The following MYLK variants were observed in gnomAD, a reference collection of about 807,000 sequenced individuals.
The protein encoded by MYLK is myosin light chain kinase, smooth muscle.
A neutral mutation model predicts 203.4 loss-of-function variants in MYLK; 106 were observed. The observed-to-expected ratio is 0.52, with a 90% CI of 0.45 to 0.61. The LOEUF is 0.61. Ranked by LOEUF, MYLK falls within the 20% of genes least tolerant of loss-of-function variation. The pLI, the probability that MYLK is intolerant of heterozygous loss-of-function variation, is 0.00. For synonymous variants in MYLK, 867 were observed against 959.5 expected (o/e 0.90, Z 1.78); for missense variants, 2,072 against 2,442.3 (o/e 0.85, Z 3.20).
intron 4 of MYLK, among the ~76,000 whole-genome samples, chr3:123,759,694 C>G (rs1007741251): frequency 2.2e-4 from 34 of 152,328 alleles, no homozygotes; most frequent in African/African-American, 7.9e-4. Context: ...TTCCCTGCAA[C>G]TTTATCTTTG....
chr3:123,783,002 G>A (rs1469596183), intron 4 of MYLK, among the ~76,000 whole-genome samples: 2 of 152,122 alleles, frequency 1.3e-5, no homozygotes, highest in African/African-American at 4.8e-5. Context: ...TTATTCACAC[G>A]CATTTTCATT....
rs112427238 is a variant in MYLK, at chr3:123,850,213, T to C, written c.-126-18543A>G. Among the ~76,000 whole-genome samples, 909 of 152,328 alleles carry C rather than the reference T, an allele frequency of 6.0e-3. 7 individuals are homozygous for C. The highest frequency in any genetic ancestry group is 0.02 in the African/African-American group (844 of 41,564). ...GTGTTGCAGTAAACATATGTGTGCA[T>C]GTGTCTTTATAGCAGCATGATTTAT... On this transcript the variant is annotated intron_variant, in intron 2 of 33. Coordinates refer to ENST00000360304, the MANE Select transcript of MYLK (RefSeq NM_053025.4).
chr3:123,641,740 T>TCCTCCCTCCGTCCCTCTCTTC, intron 27 of MYLK, among the ~76,000 whole-genome samples: 1 of 148,962 alleles, frequency 6.7e-6, no homozygotes, highest in Non-Finnish European at 1.5e-5. Context: ...CTGCCTGCCT[T>TCCTCCCTCCGTCCCTCTCTTC]CCTCCCTCCG....
chr3:123,844,626 C>T (rs554436851), intron 2 of MYLK, among the ~76,000 whole-genome samples: 1 of 152,132 alleles, frequency 6.6e-6, no homozygotes, highest in South Asian at 2.1e-4. Flanking sequence ...GTGATAAAGA[C>T]GGAGGGGCAG....
At chr3:123,692,046 G>A (rs899035675) in intron 19 of MYLK, among the ~76,000 whole-genome samples, 4 of 152,092 alleles carry the variant, frequency 2.6e-5, no homozygotes, top group East Asian at 1.9e-4. Flanking sequence ...TACTCCCCAG[G>A]AAGGAGAGAA....
chr3:123,674,446 C>G (rs1210143608), intron 20 of MYLK, among the ~76,000 whole-genome samples: 3 of 152,220 alleles, frequency 2.0e-5, no homozygotes, highest in African/African-American at 7.2e-5. Flanking sequence ...CACTCAGGAT[C>G]AAATTCAACT....
chr3:123,823,036 A>G (rs765617833), intron 3 of MYLK, among the ~76,000 whole-genome samples: 1 of 152,176 alleles, frequency 6.6e-6, no homozygotes, highest in Non-Finnish European at 1.5e-5. Flanking sequence ...TCACCAAGAG[A>G]GCATCATTCC....
intron 33 of MYLK, chr3:123,618,437 G>A: frequency 3.3e-6 from 2 of 609,716 alleles, no homozygotes; most frequent in Non-Finnish European, 5.8e-6. Context: ...GGAAGTGACT[G>A]AAGGACACAC....
chr3:123,690,945 C>T (rs907240801), intron 19 of MYLK, among the ~76,000 whole-genome samples: 4 of 151,886 alleles, frequency 2.6e-5, no homozygotes, highest in African/African-American at 9.7e-5. Context: ...TTTTAAGTTG[C>T]AGAATGAATT....
At chr3:123,734,484 T>G (rs1474471977) in intron 9 of MYLK, 4 of 395,348 alleles carry the variant, frequency 1.0e-5, no homozygotes, top group African/African-American at 2.1e-5. Context: ...TCTCTACTAG[T>G]GCCTCCGTAG....
chr3:123,661,850 G>A (rs1304582150), intron 23 of MYLK, among the ~76,000 whole-genome samples: 2 of 152,180 alleles, frequency 1.3e-5, no homozygotes, highest in Admixed American at 6.5e-5. Context: ...CTTCCAGGGG[G>A]CTTTGCAGTA....
chr3:123,675,376 G>GA (rs1480085078), intron 20 of MYLK, among the ~76,000 whole-genome samples: 4 of 151,878 alleles, frequency 2.6e-5, no homozygotes, highest in Admixed American at 2.0e-4. Flanking sequence ...TAGTCCTGGG[G>GA]AAAAAAAAGG....
At chr3:123,814,058 T>TTCAAAGATATCTTCCCCATGCAGCTGTG (rs1560251460) in intron 3 of MYLK, 1 of 230,724 alleles carries the variant, frequency 4.3e-6, no homozygotes, top group Non-Finnish European at 8.9e-6. Context: ...AAGACATGAC[T>TTCAAAGATATCTTCCCCATGCAGCTGTG]TCAAAGATAT....
rs1302739464 is a variant in MYLK at position 123,733,726 on chromosome 3, C to A, written c.1270G>T (p.Glu424Ter). 6.2e-7 allele frequency: 1 copy of A among 1,614,102 alleles called. No homozygotes were observed. The highest frequency in any genetic ancestry group is 8.5e-7 in the Non-Finnish European group (1 of 1,180,044). The stretch of plus-strand genomic sequence containing the variant: ...TTGACAGTTTGATTTTCCTTGACCT[C>A]CTGGCTTTGGGGCTTGCTCTCAAAT... ...PKFESKPQSQ[E>*]VKENQTVKFR... The change falls in exon 10 of 34, where the codon GAG (glutamate) becomes TAG (stop). Residue 424 changes from glutamate to a stop codon, truncating the protein, a stop_gained. Coordinates refer to ENST00000360304, the MANE Select transcript of MYLK (RefSeq NM_053025.4). LOFTEE classifies it high-confidence loss of function.
intron 19 of MYLK, 25 bp from the exon 20 acceptor site, chr3:123,682,335 A>C: frequency 6.5e-7 from 1 of 1,545,830 alleles, no homozygotes. Context: ...GTAACAATAA[A>C]TGTTAGCAGC....
chr3:123,813,487 G>A (rs1318871560), intron 3 of MYLK, among the ~76,000 whole-genome samples: 1 of 151,576 alleles, frequency 6.6e-6, no homozygotes, highest in East Asian at 1.9e-4. Flanking sequence ...CTCTGCGTCA[G>A]GGAATCTTAA....
chr3:123,782,321 G>T lies in MYLK; in HGVS notation c.165+11356C>A, dbSNP rs1230409382. On this transcript the variant is annotated intron_variant, in intron 4 of 33. Transcript: ENST00000360304. ...GCTAGAAAAGGCTTCATAGAGGAAG[G>T]AAAGTTTAATTTTCTGTTTTGATAT... Among the ~76,000 whole-genome samples, 2 of 152,208 alleles carry T rather than the reference G, an allele frequency of 1.3e-5. 1 individual carries two copies. The highest frequency in any genetic ancestry group is 1.3e-4 in the Admixed American group (2 of 15,282).
At chr3:123,649,534 A>G (rs1418224710) in intron 24 of MYLK, among the ~76,000 whole-genome samples, 1 of 152,218 alleles carries the variant, frequency 6.6e-6, no homozygotes, top group Non-Finnish European at 1.5e-5. Context: ...CAACTGTGAC[A>G]GTCTCTTTCT....
intron 3 of MYLK, among the ~76,000 whole-genome samples, chr3:123,800,668 T>C (rs1296035424): frequency 6.6e-6 from 1 of 152,200 alleles, no homozygotes; most frequent in Non-Finnish European, 1.5e-5. Context: ...AGAAGGTATT[T>C]TCATAGTTCC....
Sources: gnomAD v4.1 joint callset for allele counts (sites outside exome capture counted in the v4.1 genomes callset) on GRCh38, gnomAD v4.1.1 for gene constraint, MANE v1.5 for transcripts, NCBI Gene and HGNC (gene_info 2026-07-23, HGNC 2026-07-21) for gene names.